Variants in PCLO observed in about 807,000 individuals in gnomAD.
PCLO encodes the protein protein piccolo.
Under a neutral mutation model 427.5 loss-of-function variants are expected in PCLO, and 82 were observed. The observed-to-expected ratio is 0.19, with a 90% confidence interval of 0.16 to 0.23. PCLO has a LOEUF of 0.23. Among genes scored for constraint, PCLO ranks in the 10% least tolerant of loss-of-function variants. The pLI is 1.00. For missense variants in PCLO, 6,239 were observed against 6,115.9 expected (o/e 1.02, Z -0.67); for synonymous variants, 2,357 against 2,155.4 (o/e 1.09, Z -2.59).
intron 6 of PCLO, among the ~76,000 whole-genome samples, chr7:82,918,549 C>G (rs1288335021): frequency 6.6e-6 from 1 of 151,908 alleles, no homozygotes; most frequent in Non-Finnish European, 1.5e-5. Context: ...CAATAATTTT[C>G]TTGATACTAA....
In PCLO at chr7:82,909,925, C is replaced by T. The variant is rs1047470424; in HGVS notation, c.13301-912G>A. 2.0e-5 allele frequency among the ~76,000 whole-genome samples: 3 copies of T among 151,990 alleles called. No homozygotes were observed. The East Asian group carries it at 5.8e-4, about 29-fold the overall frequency. ...TGAAAATGCAACTATATTTAAGGTA[C>T]ACAATTATTATTTTAAATTAAATTT... On this transcript the variant is annotated intron_variant, in intron 7 of 24. Transcript: ENST00000333891.
chr7:83,016,514 C>T (rs1263049815), intron 3 of PCLO, among the ~76,000 whole-genome samples: 21 of 151,908 alleles, frequency 1.4e-4, no homozygotes, highest in Admixed American at 1.3e-3. Context: ...TGTCTTTTGA[C>T]CTTGGCTTCA....
intron 2 of PCLO, among the ~76,000 whole-genome samples, chr7:83,136,020 T>C (rs1791719122): frequency 6.6e-6 from 1 of 151,456 alleles, no homozygotes; most frequent in Non-Finnish European, 1.5e-5. Flanking sequence ...ATCACTTGAA[T>C]CCAGGAGGCT....
intron 19 of PCLO, among the ~76,000 whole-genome samples, 180 bp downstream of exon 19, chr7:82,824,056 G>A (rs1321871168): frequency 6.6e-6 from 1 of 152,136 alleles, no homozygotes; most frequent in Non-Finnish European, 1.5e-5. Flanking sequence ...AAGTATGGGT[G>A]ATGATCTGAG....
intron 9 of PCLO, among the ~76,000 whole-genome samples, chr7:82,882,004 T>C (rs1368392343): frequency 1.3e-5 from 2 of 152,110 alleles, no homozygotes; most frequent in Admixed American, 6.6e-5. Flanking sequence ...TTTTGAAGAA[T>C]AGAACGTTAG....
Position 82,955,905 on chromosome 7 carries a change from T to G in PCLO, c.5048A>C (p.Glu1683Ala), listed in dbSNP as rs1426237793. Residue 1683 changes from glutamate (E) to alanine (A), a missense_variant, in exon 5 of 25, where the codon GAG becomes GCG. Transcript: ENST00000333891. ...NSTIADKYSA[E>A]SSQKKTSLYF... The stretch of plus-strand genomic sequence containing the variant: ...CAAACTTGTTTTTTTCTGTGATGAC[T>G]CTGCAGAATATTTATCTGCTATTGT... 4 of 1,613,876 alleles carry G rather than the reference T, an allele frequency of 2.5e-6. No individual in the cohort carries two copies. The highest frequency in any genetic ancestry group is 3.4e-6 in the Non-Finnish European group (4 of 1,179,880).
intron 3 of PCLO, among the ~76,000 whole-genome samples, chr7:83,099,781 T>C (rs1790690861): frequency 6.6e-6 from 1 of 152,174 alleles, no homozygotes; most frequent in Non-Finnish European, 1.5e-5. Context: ...ATATAATCCA[T>C]ATCTACATCT....
chr7:82,794,090 G>A (rs916906311), intron 22 of PCLO, among the ~76,000 whole-genome samples: 2 of 151,984 alleles, frequency 1.3e-5, no homozygotes, highest in African/African-American at 2.4e-5. Flanking sequence ...TTGAGATATC[G>A]TTTGAATTCT....
At chr7:82,909,801 T>C (rs1330981109) in intron 7 of PCLO, among the ~76,000 whole-genome samples, 1 of 152,072 alleles carries the variant, frequency 6.6e-6, no homozygotes, top group Non-Finnish European at 1.5e-5. Context: ...ATAAAATGAT[T>C]ATTTTTTTAA....
At chr7:82,772,633 C>A (rs963227706) in intron 22 of PCLO, among the ~76,000 whole-genome samples, 3 of 152,174 alleles carry the variant, frequency 2.0e-5, no homozygotes, top group Admixed American at 6.6e-5. Context: ...CCTGCACATT[C>A]TCTCTGTATT....
intron 6 of PCLO, among the ~76,000 whole-genome samples, chr7:82,938,340 C>T (rs1795003706): frequency 6.6e-6 from 1 of 151,998 alleles, no homozygotes; most frequent in African/African-American, 2.4e-5. Context: ...AGGCACATTG[C>T]TATACATGTA....
intron 9 of PCLO, among the ~76,000 whole-genome samples, chr7:82,898,569 A>G (rs1793963091): frequency 6.6e-6 from 1 of 151,384 alleles, no homozygotes; most frequent in African/African-American, 2.4e-5. Flanking sequence ...AAATTCACTA[A>G]TGGCCATTTT....
intron 6 of PCLO, among the ~76,000 whole-genome samples, chr7:82,925,994 C>T (rs1297300821): frequency 1.3e-5 from 2 of 151,998 alleles, no homozygotes; most frequent in Non-Finnish European, 2.9e-5. Context: ...GTTGGGATTA[C>T]AGGTGTGAGC....
At chr7:82,849,842 T>G (rs1792603382) in intron 10 of PCLO, among the ~76,000 whole-genome samples, 2 of 152,050 alleles carry the variant, frequency 1.3e-5, no homozygotes, top group African/African-American at 4.8e-5. Flanking sequence ...TTTAGAAAGA[T>G]TTTCTGGAAA....
At chr7:82,806,695 C>A (rs998451313) in intron 20 of PCLO, among the ~76,000 whole-genome samples, 5 of 152,122 alleles carry the variant, frequency 3.3e-5, no homozygotes, top group East Asian at 1.9e-4. Context: ...TCGGTCACAC[C>A]GATCTGGTTT....
At chr7:82,783,748 TATC>T (rs142367052) in intron 22 of PCLO, among the ~76,000 whole-genome samples, 4,041 of 152,180 alleles carry the variant, frequency 0.027, 192 homozygotes, top group African/African-American at 0.092. Context: ...ATAAAGAATA[TATC>T]ATAAGAACTC....
At chr7:83,125,326 G>A (rs553405284) in intron 3 of PCLO, among the ~76,000 whole-genome samples, 12 of 152,118 alleles carry the variant, frequency 7.9e-5, no homozygotes, top group South Asian at 4.1e-4. Flanking sequence ...ACCCCCGCCC[G>A]GCAGCCGCCC....
chr7:83,095,337 T>C (rs1790505909), intron 3 of PCLO, among the ~76,000 whole-genome samples: 2 of 152,086 alleles, frequency 1.3e-5, no homozygotes, highest in Non-Finnish European at 2.9e-5. Flanking sequence ...TTGTATCTTT[T>C]CTTGTCTTGC....
At chr7:82,911,682 G>A (rs1274835477) in intron 7 of PCLO, among the ~76,000 whole-genome samples, 2 of 152,044 alleles carry the variant, frequency 1.3e-5, no homozygotes, top group African/African-American at 4.8e-5. Context: ...GAGTGCAGTG[G>A]CGTGATCTCA....
Sources: allele counts gnomAD v4.1 joint callset (sites outside exome capture counted in the v4.1 genomes callset), GRCh38; gene constraint gnomAD v4.1.1; transcripts MANE v1.5; gene names NCBI Gene and HGNC (gene_info 2026-07-23, HGNC 2026-07-21).